Variants in MVP observed in about 807,000 individuals in gnomAD.
MVP encodes major vault protein, also known as lung resistance-related protein.
Under a neutral mutation model 83.5 loss-of-function variants are expected in MVP, and 62 were observed. The ratio of observed to expected loss-of-function variants is 0.74; its 90% CI spans 0.61 to 0.92. The LOEUF is 0.92. Among genes scored for constraint, MVP ranks in the 40% least tolerant of loss-of-function variants. The pLI is 0.00. For missense variants in MVP, 1,000 were observed against 1,203.4 expected, an observed-to-expected ratio of 0.83 and a Z score of 2.50; for synonymous variants, 505 against 504.1, an observed-to-expected ratio of 1.00 and a Z score of -0.02.
At chr16:29,839,563 G>A (rs115849251) in intron 7 of MVP, among the ~76,000 whole-genome samples, 324 of 151,868 alleles carry the variant, frequency 2.1e-3, no homozygotes, top group African/African-American at 7.4e-3. Flanking sequence ...TGGGTAGATC[G>A]CTTGAGTCTA....
intron 7 of MVP, among the ~76,000 whole-genome samples, chr16:29,838,652 A>T (rs1326023845): frequency 6.6e-6 from 1 of 151,458 alleles, no homozygotes; most frequent in Non-Finnish European, 1.5e-5. Context: ...ACATAGTGAG[A>T]CCCCATTTTT....
At position 29,836,913 on chromosome 16, in the gene MVP, C is replaced by T. The variant is rs765833197; in HGVS notation, c.864C>T (p.Val288=). The T allele has an allele frequency of 1.5e-5, 24 of 1,613,856 alleles. No individual in the cohort carries two copies. Among genetic ancestry groups the T allele is most frequent in the South Asian group, 3.3e-5 (3 of 91,082 alleles). The part of the protein sequence containing the change: ...PHNYCVILDP[V]GPDGKNQLGQ... ...ACTACTGCGTGATTCTCGACCCTGT[C>T]GGACCGGATGGCAAGAATCAGCTGG... The change falls in exon 7 of 15, where the codon GTC becomes GTT. Residue 288 remains valine, a synonymous_variant. Coordinates refer to ENST00000357402, the MANE Select transcript of MVP (RefSeq NM_005115.5).
intron 10 of MVP, among the ~76,000 whole-genome samples, chr16:29,843,879 G>A (rs1328304887): frequency 2.0e-5 from 3 of 152,138 alleles, no homozygotes; most frequent in Non-Finnish European, 4.4e-5. Flanking sequence ...CAGCCTGGGC[G>A]ACGGAGCAAG....
Position 29,844,819 on chromosome 16 carries a change from T to A in MVP, c.1961T>A (p.Leu654Gln). ...GTGGATCAGAGGACCCGGGACGCCC[T>A]GCAACGCAGCGTCCAGCTGGCCATC... ...EPVDQRTRDALQRSVQLAIEI... is the reference protein window; with the variant it reads ...EPVDQRTRDAQQRSVQLAIEI... The change falls in exon 11 of 15, where the codon CTG (leucine) becomes CAG (glutamine). Residue 654 changes from leucine to glutamine, a missense_variant. Physicochemically the swap from Leu to Gln is moderately radical, Grantham distance 113. Transcript: ENST00000357402. 6.2e-7 allele frequency: 1 copy of A among 1,608,152 alleles called. No homozygotes were observed. Among genetic ancestry groups the A allele is most frequent in the Non-Finnish European group, 8.5e-7 (1 of 1,179,994 alleles).
At chr16:29,830,474 G>T in intron 1 of MVP, 41 bp from the exon 2 acceptor site, 1 of 1,554,408 alleles carries the variant, frequency 6.4e-7, no homozygotes. Context: ...CCCACCCCAG[G>T]CTCCCCAGGT....
chr16:29,822,047 G>GT (rs1237231992), intron 1 of MVP, among the ~76,000 whole-genome samples: 3 of 152,050 alleles, frequency 2.0e-5, no homozygotes, highest in Non-Finnish European at 4.4e-5. Flanking sequence ...GCAACATAGC[G>GT]AGACCCTGTC....
intron 10 of MVP, among the ~76,000 whole-genome samples, 191 bp from the exon 11 acceptor site, chr16:29,844,302 C>T (rs1435150064): frequency 6.6e-6 from 1 of 152,072 alleles, no homozygotes; most frequent in Non-Finnish European, 1.5e-5. Flanking sequence ...TGTTGAAGTT[C>T]TTCTCGGAGA....
intron 7 of MVP, among the ~76,000 whole-genome samples, chr16:29,839,843 T>C (rs1471107946): frequency 6.0e-5 from 9 of 150,564 alleles, no homozygotes; most frequent in Non-Finnish European, 1.5e-5. Flanking sequence ...AACCAGAGTT[T>C]GTCAAGCCCT....
Position 29,836,845 on chromosome 16 carries a change from G to A in MVP, c.796G>A (p.Glu266Lys), listed in dbSNP as rs1567392111. The A allele has an allele frequency of 6.2e-7, 1 of 1,613,984 alleles. No homozygotes were observed. Among genetic ancestry groups the A allele is most frequent in the Admixed American group, 1.7e-5 (1 of 60,004 alleles). The change falls in exon 7 of 15, where the codon GAG becomes AAG. Residue 266 changes from glutamate (E) to lysine (K), a missense_variant. Physicochemically the swap from Glu to Lys is moderately conservative, Grantham distance 56. Transcript: ENST00000357402. Reference sequence around the variant, plus strand: ...GGCCCACGTGCCAGATGTCCACGAGGAGGTGCTGGGGGTTGTGCCCATCAC... The same window carrying A: ...GGCCCACGTGCCAGATGTCCACGAGAAGGTGCTGGGGGTTGTGCCCATCAC... Reference protein sequence around the residue: ...TEAHVPDVHEEVLGVVPITTL... With the variant: ...TEAHVPDVHEKVLGVVPITTL...
chr16:29,847,414 C>A, intron 14 of MVP, 29 bp downstream of exon 14: 2 of 1,515,546 alleles, frequency 1.3e-6, no homozygotes, highest in South Asian at 1.3e-5. Flanking sequence ...GTGTTGGTTT[C>A]AGGACCAACC....
At chr16:29,847,657 G>A in intron 14 of MVP, 105 bp from the exon 15 acceptor site, 3 of 1,173,788 alleles carry the variant, frequency 2.6e-6, no homozygotes, top group Non-Finnish European at 3.8e-6. Context: ...AGGGTGGTCA[G>A]ATGCAGGGGA....
intron 1 of MVP, among the ~76,000 whole-genome samples, chr16:29,828,699 C>A (rs1339787354): frequency 1.3e-5 from 2 of 152,116 alleles, no homozygotes; most frequent in Non-Finnish European, 2.9e-5. Flanking sequence ...GGTTTTTAAA[C>A]AAGAGCTGGG....
upstream of MVP, chr16:29,820,411 C>T (rs1378560808): frequency 6.6e-6 from 1 of 152,234 alleles, no homozygotes; most frequent in Non-Finnish European, 1.5e-5. Flanking sequence ...AAGCCCCACC[C>T]CTGGGCTTGG....
intron 7 of MVP, 148 bp from the exon 8 acceptor site, chr16:29,840,030 C>G (rs1432351407): frequency 1.4e-6 from 1 of 728,376 alleles, no homozygotes; most frequent in Non-Finnish European, 2.2e-6. Context: ...CAGACAGTGC[C>G]TCACCGTATT....
At chr16:29,847,511 A>T (rs1252623672) in intron 14 of MVP, 126 bp downstream of exon 14, 1 of 960,974 alleles carries the variant, frequency 1.0e-6, no homozygotes, top group Non-Finnish European at 1.5e-6. Context: ...CTGACCCACG[A>T]TGCAGGGACA....
chr16:29,836,577 T>TAAAAAA, intron 6 of MVP, 145 bp from the exon 7 acceptor site: 7 of 578,166 alleles, frequency 1.2e-5, no homozygotes, highest in South Asian at 2.6e-5. Flanking sequence ...GACTCCGATT[T>TAAAAAA]AAAAAAAAAA....
chr16:29,841,401 C>T lies in MVP; in HGVS notation c.1192-195C>T, dbSNP rs1051606509. The stretch of plus-strand genomic sequence containing the variant: ...CTTGACACATGAGGAAACTGAAGCC[C>T]AAGGGGTGAGGTAGTTAGCCCACGA... On this transcript the variant is annotated intron_variant, in intron 8 of 14. Transcript: ENST00000357402. The surrounding 1 kb of genome is among the most constrained non-coding windows in gnomAD (Gnocchi z 4.7). 2.6e-5 allele frequency among the ~76,000 whole-genome samples: 4 copies of T among 152,122 alleles called. No homozygotes were observed. The highest frequency in any genetic ancestry group is 4.4e-5 in the Non-Finnish European group (3 of 68,032).
chr16:29,845,948 C>T lies in MVP; in HGVS notation c.2107C>T (p.Arg703Cys), dbSNP rs1014218431. ...GGACCAGTCAGAAGCCGAGAAAGCT[C>T]GCAAGGAACTTTTGGAGCTGGAGGC... ...ILDQSEAEKA[R>C]KELLELEALS... The change falls in exon 12 of 15, where the codon CGC (arginine) becomes TGC (cysteine). Residue 703 changes from arginine to cysteine, a missense_variant. By Grantham distance (180) the Arg-to-Cys change is radical (BLOSUM62 -3). Transcript: ENST00000357402. 1 of 1,614,200 alleles carries T rather than the reference C, an allele frequency of 6.2e-7. No homozygotes were observed. Among genetic ancestry groups the T allele is most frequent in the Non-Finnish European group, 8.5e-7 (1 of 1,180,048 alleles).
In MVP at chr16:29,841,668, G is replaced by T; in HGVS notation, c.1264G>T (p.Gly422Trp). The T allele has an allele frequency of 6.2e-7, 1 of 1,611,388 alleles. No homozygotes were observed. The highest frequency in any genetic ancestry group is 8.5e-7 in the Non-Finnish European group (1 of 1,179,064). ...EVLWEKELPP[G>W]VEELLNKGQD... ...CCTGTGGGAGAAAGAGCTGCCTCCCGGGGTGGAGGAGCTGCTGAACAAGGG... is the reference window on the plus strand; with the variant it reads ...CCTGTGGGAGAAAGAGCTGCCTCCCTGGGTGGAGGAGCTGCTGAACAAGGG... Residue 422 changes from glycine (G) to tryptophan (W), a missense_variant, in exon 9 of 15, where the codon GGG becomes TGG. Gly to Trp is a radical substitution (Grantham distance 184). Coordinates refer to ENST00000357402, the MANE Select transcript of MVP (RefSeq NM_005115.5). This position sits in a 1 kb window ranked among gnomAD's most constrained non-coding sequence, Gnocchi z 4.7.
Sources: allele counts gnomAD v4.1 joint callset (sites outside exome capture counted in the v4.1 genomes callset), GRCh38; gene constraint gnomAD v4.1.1; non-coding constraint Gnocchi (gnomAD v3.1); transcripts MANE v1.5; gene names NCBI Gene and HGNC (gene_info 2026-07-23, HGNC 2026-07-21).